The following PALB2 variants were observed in gnomAD, a reference collection of about 807,000 sequenced individuals.
PALB2 encodes the protein partner and localizer of BRCA2.
PALB2 carries 82 observed loss-of-function variants against 107.4 expected under a neutral mutation model. That is an observed-to-expected ratio of 0.76 (90% CI 0.64 to 0.92). The LOEUF is 0.92. Among genes scored for constraint, PALB2 ranks in the 40% least tolerant of loss-of-function variants. PALB2 has a pLI of 0.00. For missense variants in PALB2, 1,374 were observed against 1,379.9 expected, an observed-to-expected ratio of 1.00 and a Z score of 0.07; for synonymous variants, 489 against 496.8, an observed-to-expected ratio of 0.98 and a Z score of 0.21.
chr16:23,635,520 G>A lies in PALB2; in HGVS notation c.1026C>T (p.Asn342=), dbSNP rs786203211. The change falls in exon 4 of 13, where the codon AAC becomes AAT. Residue 342 remains asparagine (N), a synonymous_variant. Coordinates refer to ENST00000261584, the MANE Select transcript of PALB2 (RefSeq NM_024675.4). ...LTYNNLPANE[N]QNLKEQNQTE... ...TTTGATTTTGTTCTTTTAAGTTTTG[G>A]TTTTCATTTGCTGGTAAGTTATTGT... The A allele has an allele frequency of 6.2e-7, 1 of 1,613,694 alleles. No individual in the cohort carries two copies. Among genetic ancestry groups the A allele is most frequent in the East Asian group, 2.2e-5 (1 of 44,876 alleles).
chr16:23,612,008 A>G (rs955283708), intron 11 of PALB2, among the ~76,000 whole-genome samples: 1 of 152,206 alleles, frequency 6.6e-6, no homozygotes, highest in Admixed American at 6.5e-5. Context: ...CACAGATCCT[A>G]CTAGGCTAGG....
intron 10 of PALB2, among the ~76,000 whole-genome samples, chr16:23,617,324 A>C (rs1357848007): frequency 6.6e-6 from 1 of 152,158 alleles, no homozygotes; most frequent in African/African-American, 2.4e-5. Flanking sequence ...TAACTACCCT[A>C]AACATGGAGC....
chr16:23,614,127 T>A, intron 10 of PALB2, 36 bp from the exon 11 acceptor site: 1 of 1,440,940 alleles, frequency 6.9e-7, no homozygotes, highest in Non-Finnish European at 9.7e-7. Flanking sequence ...GATCACATTC[T>A]TCCAACAAAC....
rs1373451258 is a variant in PALB2 at position 23,629,914 on chromosome 16, G to C, written c.2240C>G (p.Ser747Cys). Residue 747 changes from serine (S) to cysteine (C), a missense_variant, in exon 5 of 13, where the codon TCT becomes TGT. Transcript: ENST00000261584. ...FGPQGSYEKASTEVAGRTCCT... is the reference protein window; with the variant it reads ...FGPQGSYEKACTEVAGRTCCT... ...GCAAGTTCGTCCAGCAACTTCTGTA[G>C]ATGCTTTTTCATAGGAGCCTTGAGG... 1 of 1,614,226 alleles carries C rather than the reference G, an allele frequency of 6.2e-7. No homozygotes were observed. Among genetic ancestry groups the C allele is most frequent in the African/African-American group, 1.3e-5 (1 of 75,060 alleles).
chr16:23,621,345 C>A lies in PALB2; in HGVS notation c.3113+17G>T, dbSNP rs1451806881. ...TACTACAGATGAGGGAACTGAGGAC[C>A]TAGAGGGAAAGCTTACCAAATAACA... On this transcript the variant is annotated intron_variant, in intron 10 of 12. Transcript: ENST00000261584. The A allele has an allele frequency of 1.9e-6, 3 of 1,539,438 alleles. No individual in the cohort carries two copies. In the African/African-American group the frequency reaches 4.1e-5, roughly 21 times the overall value.
chr16:23,641,071 G>T lies in PALB2; in HGVS notation c.48+39C>A, dbSNP rs768839390. 42 of 1,608,388 alleles carry T rather than the reference G, an allele frequency of 2.6e-5. No homozygotes were observed. The highest frequency in any genetic ancestry group is 3.3e-4 in the Middle Eastern group (2 of 6,032). Reference sequence around the variant, plus strand: ...AGGCCTAAAACCCTGGGAAAGCGGGGTCAGAGTCCTGCGTCCGCCCTTCCC... The same window carrying T: ...AGGCCTAAAACCCTGGGAAAGCGGGTTCAGAGTCCTGCGTCCGCCCTTCCC... On this transcript the variant is annotated intron_variant, in intron 1 of 12. Transcript: ENST00000261584.
chr16:23,607,989 A>T lies in PALB2; in HGVS notation c.3225T>A (p.Ser1075Arg), dbSNP rs202222149. 6.8e-6 allele frequency: 11 copies of T among 1,614,074 alleles called. No homozygotes were observed. The East Asian group carries it at 2.2e-4, about 33-fold the overall frequency. The change falls in exon 12 of 13, where the codon AGT becomes AGA. Residue 1075 changes from serine to arginine, a missense_variant. By Grantham distance (110) the Ser-to-Arg change is moderately radical (BLOSUM62 -1). Transcript: ENST00000261584. ...ACTCACTCTCTTTGGCACAGGGATG[A>T]CTCAGGACAATAAAGAGAAGCCCCT... ...SEMGLLFIVL[S>R]HPCAKESESL...
rs1240104368 is a variant in PALB2 at position 23,603,622 on chromosome 16, G to C, written c.3398C>G (p.Thr1133Ser). ...GTCCCAAATGGCAATTGTTCCAGAA[G>C]TCAAGATTGCTGCTGCACAGTGATC... is the stretch of plus-strand genomic sequence containing the variant. ...VKDHCAAAIL[T>S]SGTIAIWDLL... Residue 1133 changes from threonine to serine, a missense_variant, in exon 13 of 13, where the codon ACT (threonine) becomes AGT (serine). By Grantham distance (58) the Thr-to-Ser change is moderately conservative. Transcript: ENST00000261584. 1 of 1,613,796 alleles carries C rather than the reference G, an allele frequency of 6.2e-7. No individual in the cohort carries two copies. The highest frequency in any genetic ancestry group is 1.1e-5 in the South Asian group (1 of 91,076).
intron 3 of PALB2, among the ~76,000 whole-genome samples, chr16:23,636,578 G>A (rs1352498899): frequency 6.6e-6 from 1 of 151,960 alleles, no homozygotes; most frequent in East Asian, 1.9e-4. Context: ...ACTATCTGAT[G>A]GAGTATGTAA....
At chr16:23,622,821 T>TAA (rs1157456737) in intron 9 of PALB2, 148 bp downstream of exon 9, 1 of 873,238 alleles carries the variant, frequency 1.1e-6, no homozygotes, top group Non-Finnish European at 1.8e-6. Context: ...AACCTGCTTC[T>TAA]ATGTCATAAC....
rs2142274177 is a variant in PALB2, at chr16:23,607,996, A to C, written c.3218T>G (p.Val1073Gly). ...AYSEMGLLFI[V>G]LSHPCAKESE... ...CTCTTTGGCACAGGGATGACTCAGG[A>C]CAATAAAGAGAAGCCCCTAATTTCG... Residue 1073 changes from valine (V) to glycine (G), a missense_variant, in exon 12 of 13, where the codon GTC becomes GGC. By Grantham distance (109) the Val-to-Gly change is moderately radical. Coordinates refer to ENST00000261584, the MANE Select transcript of PALB2 (RefSeq NM_024675.4). 1 of 1,614,050 alleles carries C rather than the reference A, an allele frequency of 6.2e-7. No homozygotes were observed. The highest frequency in any genetic ancestry group is 8.5e-7 in the Non-Finnish European group (1 of 1,179,912).
chr16:23,641,025 G>C (rs2142479377), intron 1 of PALB2, 85 bp downstream of exon 1: 4 of 1,496,002 alleles, frequency 2.7e-6, no homozygotes, highest in Non-Finnish European at 2.7e-6. Flanking sequence ...GCTGCCCTCG[G>C]ACTGCCGAGG....
intron 4 of PALB2, among the ~76,000 whole-genome samples, chr16:23,634,555 G>A (rs1187727452): frequency 6.6e-6 from 1 of 152,176 alleles, no homozygotes; most frequent in East Asian, 1.9e-4. Flanking sequence ...GGGAGGCTGA[G>A]GCAGGAGGAA....
chr16:23,618,586 C>A (rs913745061), intron 10 of PALB2, among the ~76,000 whole-genome samples: 1 of 151,584 alleles, frequency 6.6e-6, no homozygotes, highest in Non-Finnish European at 1.5e-5. Context: ...TAAAAAATGA[C>A]CTGCGTTTGA....
chr16:23,619,881 G>A (rs1259553667), intron 10 of PALB2, among the ~76,000 whole-genome samples: 1 of 152,052 alleles, frequency 6.6e-6, no homozygotes, highest in Non-Finnish European at 1.5e-5. Context: ...CTGGGTTCAA[G>A]CGATTCTCCT....
rs1202140460 is a variant in PALB2 at position 23,603,445 on chromosome 16, C to T, written c.*14G>A. ...CAATATATCCAGAAAATTGTGTTTT[C>T]ACTTTACCCTAACTTATGAATAGTG... On this transcript the variant is annotated 3_prime_UTR_variant, in exon 13 of 13. Coordinates refer to ENST00000261584, the MANE Select transcript of PALB2 (RefSeq NM_024675.4). The T allele has an allele frequency of 3.1e-6, 5 of 1,603,674 alleles. No individual in the cohort carries two copies. The South Asian group carries it at 5.5e-5, about 18-fold the overall frequency.
intron 7 of PALB2, among the ~76,000 whole-genome samples, chr16:23,624,888 T>A (rs1597083639): frequency 6.6e-6 from 1 of 152,186 alleles, no homozygotes; most frequent in African/African-American, 2.4e-5. Flanking sequence ...GCTTGTAAGA[T>A]GTATATGATG....
rs770624736 is a variant in PALB2, at chr16:23,629,315, G to T, written c.2515-40C>A. ...GTCACATCATTAGTCTACACTTTAT[G>T]TATAATGTCTGCCTGCATTACCCAC... On this transcript the variant is annotated intron_variant, in intron 5 of 12. Coordinates refer to ENST00000261584, the MANE Select transcript of PALB2 (RefSeq NM_024675.4). 8 of 1,534,092 alleles carry T rather than the reference G, an allele frequency of 5.2e-6. No homozygotes were observed. In the South Asian group the frequency reaches 7.8e-5, roughly 15 times the overall value.
rs587780218 is a variant in PALB2, at chr16:23,607,985, G to C, written c.3229C>G (p.Pro1077Ala). 6.2e-7 allele frequency: 1 copy of C among 1,614,032 alleles called. No homozygotes were observed. The highest frequency in any genetic ancestry group is 8.5e-7 in the Non-Finnish European group (1 of 1,179,942). The change falls in exon 12 of 13, where the codon CCC (proline) becomes GCC (alanine). Residue 1077 changes from proline (P) to alanine (A), a missense_variant. Pro to Ala is a conservative substitution (Grantham distance 27). Coordinates refer to ENST00000261584, the MANE Select transcript of PALB2 (RefSeq NM_024675.4). ...MGLLFIVLSH[P>A]CAKESESLRS... ...AACGACTCACTCTCTTTGGCACAGG[G>C]ATGACTCAGGACAATAAAGAGAAGC...
Sources: gnomAD v4.1 joint callset for allele counts (sites outside exome capture counted in the v4.1 genomes callset) on GRCh38, gnomAD v4.1.1 for gene constraint, MANE v1.5 for transcripts, NCBI Gene and HGNC (gene_info 2026-07-23, HGNC 2026-07-21) for gene names.